The following CDH23 variants were observed in gnomAD, a reference collection of about 807,000 sequenced individuals.
CDH23 encodes cadherin-23.
Under a neutral mutation model 317.1 loss-of-function variants are expected in CDH23, and 189 were observed. That is an observed-to-expected ratio of 0.60 (90% confidence interval 0.53 to 0.67). The LOEUF is 0.67. Among genes scored for constraint, CDH23 ranks in the 30% least tolerant of loss-of-function variants. The pLI, the probability that CDH23 is intolerant of heterozygous loss-of-function variation, is 0.00. For missense variants in CDH23, 4,401 were observed against 4,592.4 expected, an observed-to-expected ratio of 0.96 and a Z score of 1.20; for synonymous variants, 1,839 against 1,876.8, an observed-to-expected ratio of 0.98 and a Z score of 0.52.
intron 6 of CDH23, among the ~76,000 whole-genome samples, chr10:71,529,955 T>C (rs1402671113): frequency 6.6e-6 from 1 of 151,494 alleles, no homozygotes; most frequent in Non-Finnish European, 1.5e-5. Flanking sequence ...GCCTGCAGCT[T>C]ACCCCTCTCT....
chr10:71,753,712 G>A (rs1173486741), intron 38 of CDH23: 3 of 455,516 alleles, frequency 6.6e-6, no homozygotes, highest in South Asian at 3.1e-5. Context: ...AGCACCCCAT[G>A]TCCTCCCACA....
intron 6 of CDH23, among the ~76,000 whole-genome samples, chr10:71,527,930 C>T (rs948927348): frequency 6.6e-6 from 1 of 152,140 alleles, no homozygotes; most frequent in African/African-American, 2.4e-5. Context: ...CTCCCTGGTC[C>T]CCATGGCTGG....
chr10:71,718,012 A>G (rs191974097), intron 28 of CDH23: 42 of 152,376 alleles, frequency 2.8e-4, no homozygotes, highest in African/African-American at 1.0e-3. Context: ...TTTAAATTCT[A>G]CTGACGTGGA....
Position 71,790,891 on chromosome 10 carries a change from T to C in CDH23, c.6050-241T>C. ...GGGTCACTCTTCCCAGGCAAGAGTC[T>C]TGAAGACAGCAGAGGGCACCTGCAG... On this transcript the variant is annotated intron_variant, in intron 46 of 69. Transcript: ENST00000224721. The C allele has an allele frequency of 5.2e-6, 3 of 574,878 alleles. No homozygotes were observed. The East Asian group carries it at 8.7e-5, about 17-fold the overall frequency. 35.6% of individuals were successfully genotyped at this position (574,878 alleles called of 1,614,324 possible). A position where few individuals can be genotyped will look rare whatever the true frequency, so the allele number is the denominator to read the frequency against.
intron 49 of CDH23, among the ~76,000 whole-genome samples, chr10:71,797,969 G>A (rs1841448434): frequency 6.6e-6 from 1 of 152,212 alleles, no homozygotes; most frequent in African/African-American, 2.4e-5. Flanking sequence ...AGGAAGGGCA[G>A]ACTTGGTCAT....
At chr10:71,564,335 GA>G in intron 6 of CDH23, among the ~76,000 whole-genome samples, 1 of 152,334 alleles carries the variant, frequency 6.6e-6, no homozygotes, top group East Asian at 1.9e-4. Context: ...CCCAGGACCT[GA>G]AATGCAGGAA....
intron 14 of CDH23, among the ~76,000 whole-genome samples, chr10:71,665,404 G>A (rs1351132164): frequency 6.6e-6 from 1 of 152,200 alleles, no homozygotes; most frequent in Admixed American, 6.5e-5. Flanking sequence ...TGGAGTTGTA[G>A]TCAGAGTTTG....
chr10:71,773,547 C>T (rs765798472), intron 38 of CDH23: 1 of 1,121,294 alleles, frequency 8.9e-7, no homozygotes, highest in Non-Finnish European at 1.2e-6. Context: ...GCGCTGCGGG[C>T]GGCCCCAGCG....
intron 30 of CDH23, among the ~76,000 whole-genome samples, 190 bp from the exon 31 acceptor site, chr10:71,730,279 C>G (rs1398693339): frequency 6.6e-6 from 1 of 152,246 alleles, no homozygotes; most frequent in Non-Finnish European, 1.5e-5. Context: ...TGTTTGAGCA[C>G]CTGCCACGCG....
intron 1 of CDH23, among the ~76,000 whole-genome samples, chr10:71,419,784 G>A (rs1848671132): frequency 6.6e-6 from 1 of 152,212 alleles, no homozygotes; most frequent in South Asian, 2.1e-4. Flanking sequence ...GTATCAGTAA[G>A]TGGTGAACTC....
rs540703568 is a variant in CDH23, at chr10:71,813,879, T to C, written c.9738+531T>C. Reference sequence around the variant, plus strand: ...ACCAAGACCATGCCACTGCACTCCATTGGGTGACAGAGTGAGACTTGTCTC... The same window carrying C: ...ACCAAGACCATGCCACTGCACTCCACTGGGTGACAGAGTGAGACTTGTCTC... On this transcript the variant is annotated intron_variant, in intron 69 of 69. Transcript: ENST00000224721. Among the ~76,000 whole-genome samples, 392 of 152,090 alleles carry C rather than the reference T, an allele frequency of 2.6e-3. 3 individuals carry two copies. The highest frequency in any genetic ancestry group is 6.8e-3 in the Middle Eastern group (2 of 292).
intron 1 of CDH23, among the ~76,000 whole-genome samples, chr10:71,436,166 G>A (rs1224293396): frequency 4.6e-5 from 7 of 152,242 alleles, no homozygotes; most frequent in Non-Finnish European, 1.0e-4. Context: ...CCCTGCTTCC[G>A]AATGCTTTGG....
At chr10:71,431,612 C>T (rs1287599181) in intron 1 of CDH23, among the ~76,000 whole-genome samples, 4 of 152,246 alleles carry the variant, frequency 2.6e-5, no homozygotes, top group Non-Finnish European at 4.4e-5. Context: ...TATTTCTATT[C>T]AAAGTTGAGT....
At chr10:71,597,771 T>C (rs1859955632) in intron 9 of CDH23, among the ~76,000 whole-genome samples, 1 of 152,190 alleles carries the variant, frequency 6.6e-6, no homozygotes, top group African/African-American at 2.4e-5. Flanking sequence ...ATTTGATAAT[T>C]CATAAATATT....
rs919809759 is a variant in CDH23 at position 71,775,468 on chromosome 10, A to G, written c.4846-2212A>G. 5.9e-5 allele frequency among the ~76,000 whole-genome samples: 9 copies of G among 151,834 alleles called. No individual in the cohort carries two copies. In the East Asian group the frequency reaches 1.7e-3, roughly 29 times the overall value. On this transcript the variant is annotated intron_variant, in intron 38 of 69. Transcript: ENST00000224721. ...CCCCCTTTTCACTTCCTTTCTCCCT[A>G]CCACACTGCCCACCACTGAGCCTCC... is the stretch of plus-strand genomic sequence containing the variant.
In CDH23 at chr10:71,694,169, G is replaced by C. The variant is rs1162419014; in HGVS notation, c.2199G>C (p.Leu733=). The C allele has an allele frequency of 6.2e-7, 1 of 1,613,662 alleles. No individual in the cohort carries two copies. The highest frequency in any genetic ancestry group is 1.1e-5 in the South Asian group (1 of 91,062). Residue 733 remains leucine (L), a synonymous_variant, in exon 21 of 70, where the codon CTG becomes CTC. Transcript: ENST00000224721. ...CAGGGGAAATCACCACCACGTCTCTGCTTGACCGAGAGACCAAGTCTGAAT... is the reference window on the plus strand; with the variant it reads ...CAGGGGAAATCACCACCACGTCTCTCCTTGACCGAGAGACCAAGTCTGAAT... The part of the protein sequence containing the change: ...ARSGEITTTS[L]LDRETKSEYI...
At position 71,785,647 on chromosome 10, in the gene CDH23, T is replaced by C. The variant is rs2132940364; in HGVS notation, c.5729T>C (p.Val1910Ala). 1 of 1,601,480 alleles carries C rather than the reference T, an allele frequency of 6.2e-7. No homozygotes were observed. The highest frequency in any genetic ancestry group is 1.3e-5 in the African/African-American group (1 of 74,736). The change falls in exon 44 of 70, where the codon GTG becomes GCG. Residue 1910 changes from valine (V) to alanine (A), a missense_variant. Physicochemically the swap from Val to Ala is moderately conservative, Grantham distance 64. Coordinates refer to ENST00000224721, the MANE Select transcript of CDH23 (RefSeq NM_022124.6). ...FINATTGIVTVNRPLDRERIP... is the reference protein window; with the variant it reads ...FINATTGIVTANRPLDRERIP... ...ACATCCCAGACAGGGATCGTCACTG[T>C]GAACCGGCCCCTGGACCGCGAGCGG...
intron 11 of CDH23, among the ~76,000 whole-genome samples, chr10:71,622,342 T>C (rs565248524): frequency 6.6e-6 from 1 of 152,322 alleles, no homozygotes; most frequent in African/African-American, 2.4e-5. Flanking sequence ...TTAACATGCC[T>C]GGAAGCTGAG....
intron 27 of CDH23, 50 bp downstream of exon 27, chr10:71,709,261 C>A: frequency 6.6e-7 from 1 of 1,524,768 alleles, no homozygotes; most frequent in Non-Finnish European, 9.1e-7. Flanking sequence ...GCAGAGTTCA[C>A]ACAGGGTGCC....
Sources: gnomAD v4.1 joint callset for allele counts (sites outside exome capture counted in the v4.1 genomes callset) on GRCh38, gnomAD v4.1.1 for gene constraint, MANE v1.5 for transcripts, NCBI Gene and HGNC (gene_info 2026-07-23, HGNC 2026-07-21) for gene names.